CALN1: variants seen among roughly 807,000 people sequenced by gnomAD.
CALN1 encodes calcium-binding protein 8.
Under a neutral mutation model 30.6 loss-of-function variants are expected in CALN1, and 17 were observed. The observed-to-expected ratio is 0.56, with a 90% CI of 0.38 to 0.83. The LOEUF is 0.83. Among genes scored for constraint, CALN1 ranks in the 40% least tolerant of loss-of-function variants. The pLI, the probability that CALN1 is intolerant of heterozygous loss-of-function variation, is 0.00. For synonymous variants in CALN1, 156 were observed against 131.4 expected (o/e 1.19, Z -1.28); for missense variants, 291 against 354.9 (o/e 0.82, Z 1.45).
chr7:71,942,662 C>T (rs566686975), intron 5 of CALN1, among the ~76,000 whole-genome samples: 3 of 152,182 alleles, frequency 2.0e-5, no homozygotes, highest in South Asian at 2.1e-4. Context: ...TGCTCTGTGG[C>T]GATCCATCAA....
intron 5 of CALN1, among the ~76,000 whole-genome samples, chr7:71,959,370 A>G (rs1797123018): frequency 6.6e-6 from 1 of 152,208 alleles, no homozygotes; most frequent in Non-Finnish European, 1.5e-5. Flanking sequence ...TGGAGAATCC[A>G]GACTTGGTTG....
intron 3 of CALN1, among the ~76,000 whole-genome samples, chr7:72,204,552 T>A (rs1791692734): frequency 6.6e-6 from 1 of 152,186 alleles, no homozygotes; most frequent in South Asian, 2.1e-4. Context: ...ATTAAAAACT[T>A]AGTTCACGAG....
intron 3 of CALN1, among the ~76,000 whole-genome samples, chr7:72,133,960 T>C (rs1396516049): frequency 6.6e-6 from 1 of 152,208 alleles, no homozygotes; most frequent in African/African-American, 2.4e-5. Flanking sequence ...CTCTTCAAAA[T>C]TCTTCAAAAT....
chr7:72,146,284 A>C (rs892200158), intron 3 of CALN1, among the ~76,000 whole-genome samples: 1,530 of 152,284 alleles, frequency 0.01, 24 homozygotes, highest in African/African-American at 0.035. Flanking sequence ...TCCCAGGATA[A>C]AAAATCAATG....
chr7:72,351,098 G>A (rs1303104701), intron 2 of CALN1, among the ~76,000 whole-genome samples: 4 of 152,062 alleles, frequency 2.6e-5, no homozygotes, highest in Admixed American at 2.0e-4. Flanking sequence ...CCAAGATCAC[G>A]CCATTGCACT....
At chr7:71,799,616 C>G (rs986340760) in intron 6 of CALN1, among the ~76,000 whole-genome samples, 1 of 151,966 alleles carries the variant, frequency 6.6e-6, no homozygotes, top group South Asian at 2.1e-4. Context: ...CAGGTGCCCG[C>G]CACCATACCC....
chr7:72,397,720 A>ACT (rs1806064860), intron 2 of CALN1, among the ~76,000 whole-genome samples: 1 of 126,800 alleles, frequency 7.9e-6, no homozygotes, highest in African/African-American at 2.9e-5. Flanking sequence ...TCTCTCACAC[A>ACT]CACACACACA....
At position 71,810,424 on chromosome 7, in the gene CALN1, T is replaced by G. The variant is rs1038645770; in HGVS notation, c.570A>C (p.Leu190=). ...TGATGTTCTCAATGTCCTTCATCGT[T>G]AGGTGGTCTCGGAAGGCATGATAGA... is the stretch of plus-strand genomic sequence containing the variant. ...HILYHAFRDH[L]TMKDIENIII... Residue 190 remains leucine (L), a synonymous_variant, in exon 6 of 7, where the codon CTA becomes CTC. Coordinates refer to ENST00000395275, the MANE Select transcript of CALN1 (RefSeq NM_031468.4). The G allele has an allele frequency of 1.2e-6, 2 of 1,613,994 alleles. No individual in the cohort carries two copies. The highest frequency in any genetic ancestry group is 1.7e-6 in the Non-Finnish European group (2 of 1,180,012).
At chr7:72,468,730 A>C in the CALN1 span, among the ~76,000 whole-genome samples, 2 of 152,146 alleles carry the variant, frequency 1.3e-5, no homozygotes, top group East Asian at 3.9e-4. Context: ...CCAACACTTA[A>C]ATTTTTTTTT....
intron 3 of CALN1, among the ~76,000 whole-genome samples, chr7:72,191,444 A>C (rs1194458315): frequency 2.6e-5 from 4 of 151,830 alleles, no homozygotes; most frequent in South Asian, 2.1e-4. Flanking sequence ...TGTAGTAAAA[A>C]TACAAAAATT....
intron 5 of CALN1, among the ~76,000 whole-genome samples, chr7:71,867,144 C>CA (rs745359572): frequency 0.43 from 60,147 of 138,602 alleles, 13,941 homozygotes; most frequent in East Asian, 0.68. Context: ...GACTCTGTCT[C>CA]AAAAAAAAAA....
intron 5 of CALN1, among the ~76,000 whole-genome samples, chr7:71,962,480 G>A (rs1239497480): frequency 6.6e-6 from 1 of 152,122 alleles, no homozygotes; most frequent in Non-Finnish European, 1.5e-5. Flanking sequence ...CGAACTGCTG[G>A]CAAAAGCCAT....
chr7:72,408,667 A>G (rs1175963060), intron 1 of CALN1, among the ~76,000 whole-genome samples: 1 of 68,128 alleles, frequency 1.5e-5, no homozygotes, highest in Non-Finnish European at 2.8e-5. Flanking sequence ...ACCAATTATT[A>G]TCTTTTCCTT....
In CALN1 at chr7:71,992,687, G is replaced by A. The variant is rs547918074; in HGVS notation, c.501+30970C>T. Among the ~76,000 whole-genome samples the A allele has an allele frequency of 6.6e-5, 10 of 152,300 alleles. No homozygotes were observed. The East Asian group carries it at 1.7e-3, about 26-fold the overall frequency. On this transcript the variant is annotated intron_variant, in intron 5 of 6. Transcript: ENST00000395275. ...CCTTAACTTTTAACTTGAGAGCACT[G>A]ACCCCATTTCTCTGGAGTTTGTGTT...
At chr7:72,143,990 A>C (rs1374362983) in intron 3 of CALN1, among the ~76,000 whole-genome samples, 2 of 152,256 alleles carry the variant, frequency 1.3e-5, no homozygotes, top group Admixed American at 1.3e-4. Flanking sequence ...AAACATGGAA[A>C]GGAACAACTG....
chr7:72,357,842 ATATATT>A (rs1407537384), intron 2 of CALN1, among the ~76,000 whole-genome samples: 2 of 146,816 alleles, frequency 1.4e-5, no homozygotes, highest in African/African-American at 5.0e-5. Context: ...ATATATTTAT[ATATATT>A]TATATTTATA....
chr7:71,924,394 T>G (rs1410744237), intron 5 of CALN1, among the ~76,000 whole-genome samples: 1 of 151,768 alleles, frequency 6.6e-6, no homozygotes, highest in African/African-American at 2.4e-5. Flanking sequence ...AACCTTTACA[T>G]TTTTAATATA....
chr7:71,937,514 T>C (rs1368603088), intron 5 of CALN1, among the ~76,000 whole-genome samples: 3 of 152,156 alleles, frequency 2.0e-5, no homozygotes, highest in Non-Finnish European at 2.9e-5. Flanking sequence ...AAACTTTCCC[T>C]GTGGACCAGA....
At chr7:72,378,644 A>G (rs964249107) in intron 2 of CALN1, among the ~76,000 whole-genome samples, 1 of 151,260 alleles carries the variant, frequency 6.6e-6, no homozygotes. Context: ...ATACCTTAGA[A>G]TCTCCATTAG....
Sources: allele counts gnomAD v4.1 joint callset (sites outside exome capture counted in the v4.1 genomes callset), GRCh38; gene constraint gnomAD v4.1.1; transcripts MANE v1.5; gene names NCBI Gene and HGNC (gene_info 2026-07-23, HGNC 2026-07-21).